The following RTN4R variants were observed in gnomAD, a reference collection of about 807,000 sequenced individuals.
RTN4R encodes the protein reticulon-4 receptor.
Under a neutral mutation model 27.7 loss-of-function variants are expected in RTN4R, and 4 were observed. That is an observed-to-expected ratio of 0.14 (90% CI 0.07 to 0.33). The LOEUF (loss-of-function observed/expected upper bound fraction) is 0.33. RTN4R is among the 10% of genes least tolerant of loss of function. The pLI is 1.00. For synonymous variants in RTN4R, 290 were observed against 305.6 expected, an observed-to-expected ratio of 0.95 and a Z score of 0.53; for missense variants, 554 against 671.5, an observed-to-expected ratio of 0.83 and a Z score of 1.93.
chr22:20,247,138 G>A lies in RTN4R; in HGVS notation c.23-4028C>T, dbSNP rs142081947. On this transcript the variant is annotated intron_variant, in intron 1 of 1. Coordinates refer to ENST00000043402, the MANE Select transcript of RTN4R (RefSeq NM_023004.6). Reference sequence around the variant, plus strand: ...GCGCCCTCCTGTGTCATGGGTGGCCGGGAGGGGAATCTCCAGGGAGGCTCT... The same window carrying A: ...GCGCCCTCCTGTGTCATGGGTGGCCAGGAGGGGAATCTCCAGGGAGGCTCT... Among the ~76,000 whole-genome samples, 96 of 152,216 alleles carry A rather than the reference G, an allele frequency of 6.3e-4. 2 individuals are homozygous for A. In the South Asian group the frequency reaches 0.018, roughly 29 times the overall value.
chr22:20,242,402 T>G lies in RTN4R; in HGVS notation c.731A>C (p.Glu244Ala). Residue 244 changes from glutamate to alanine, a missense_variant, in exon 2 of 2, where the codon GAG becomes GCG. This residue lies in a region of RTN4R where 413 missense variants were observed against 542.3 expected (regional missense o/e 0.76). Transcript: ENST00000043402. Reference sequence around the variant, plus strand: ...CAGGGCACGCAGGGGGGCCAGGGCCTCAGTGGGCAGCGCTGATAGATTGTT... The same window carrying G: ...CAGGGCACGCAGGGGGGCCAGGGCCGCAGTGGGCAGCGCTGATAGATTGTT... ...FANNLSALPT[E>A]ALAPLRALQY... 1 of 1,612,994 alleles carries G rather than the reference T, an allele frequency of 6.2e-7. No individual in the cohort carries two copies. Among genetic ancestry groups the G allele is most frequent in the Non-Finnish European group, 8.5e-7 (1 of 1,179,918 alleles).
chr22:20,258,425 TG>T (rs2051224959), intron 1 of RTN4R, among the ~76,000 whole-genome samples: 2 of 152,056 alleles, frequency 1.3e-5, no homozygotes, highest in African/African-American at 4.8e-5. Flanking sequence ...GGGGCCACCA[TG>T]GGAGCCCGGC....
chr22:20,257,807 G>T (rs1166950442), intron 1 of RTN4R, among the ~76,000 whole-genome samples: 2 of 152,146 alleles, frequency 1.3e-5, no homozygotes, highest in Admixed American at 6.5e-5. Flanking sequence ...GGGTGGGTGA[G>T]TCCGTCTTGC....
At chr22:20,261,156 C>G (rs1407864437) in intron 1 of RTN4R, among the ~76,000 whole-genome samples, 1 of 152,218 alleles carries the variant, frequency 6.6e-6, no homozygotes, top group African/African-American at 2.4e-5. Flanking sequence ...CCAGGCAGTA[C>G]AGTGGGGCCC....
chr22:20,245,272 C>G (rs1387107936), intron 1 of RTN4R, among the ~76,000 whole-genome samples: 2 of 152,174 alleles, frequency 1.3e-5, no homozygotes, highest in Non-Finnish European at 1.5e-5. Context: ...TTTTCGTAAA[C>G]CAACTTCTGA....
intron 1 of RTN4R, among the ~76,000 whole-genome samples, chr22:20,245,582 C>A (rs1010711680): frequency 3.3e-5 from 5 of 152,088 alleles, no homozygotes; most frequent in African/African-American, 1.2e-4. Flanking sequence ...TGCAGCCCCT[C>A]CCCACCCCAA....
intron 1 of RTN4R, among the ~76,000 whole-genome samples, chr22:20,265,435 T>C (rs112201641): frequency 1.3e-5 from 2 of 152,336 alleles, no homozygotes; most frequent in African/African-American, 4.8e-5. Flanking sequence ...GCCCTCTGGC[T>C]TTCAGAGACG....
intron 1 of RTN4R, chr22:20,243,625 C>A: frequency 2.3e-6 from 1 of 432,088 alleles, no homozygotes; most frequent in Non-Finnish European, 4.8e-6. Flanking sequence ...CAAGTGTGTC[C>A]AGGGCTTAGG....
chr22:20,241,823 C>T lies in RTN4R; in HGVS notation c.1310G>A (p.Gly437Glu). ...TTCTGAGTCACCAGTCCCGCCACCC[C>T]CGCTGCCTGCCTGGCCCAGACGGCA... ...SHCRLGQAGS[G>E]GGGTGDSEGS... The change falls in exon 2 of 2, where the codon GGG (glycine) becomes GAG (glutamate). Residue 437 changes from glycine (G) to glutamate (E), a missense_variant. By Grantham distance (98) the Gly-to-Glu change is moderately conservative. Around this residue, in one of 2 missense-constraint regions of RTN4R, gnomAD observed 141 missense variants for 129.2 expected, o/e 1.09. Transcript: ENST00000043402. The T allele has an allele frequency of 1.3e-6, 2 of 1,595,382 alleles. No individual in the cohort carries two copies. Among genetic ancestry groups the T allele is most frequent in the African/African-American group, 1.3e-5 (1 of 74,554 alleles).
intron 1 of RTN4R, among the ~76,000 whole-genome samples, chr22:20,251,988 CCAT>C (rs1268372345): frequency 7.1e-4 from 6 of 8,444 alleles, no homozygotes; most frequent in South Asian, 4.1e-3. Context: ...ATCACCATCA[CCAT>C]CATCACCATC....
At chr22:20,261,567 T>C (rs1292658172) in intron 1 of RTN4R, among the ~76,000 whole-genome samples, 1 of 152,158 alleles carries the variant, frequency 6.6e-6, no homozygotes, top group Non-Finnish European at 1.5e-5. Context: ...AGAGCAACCC[T>C]TGTGCAGCCG....
intron 1 of RTN4R, among the ~76,000 whole-genome samples, chr22:20,264,048 C>T (rs892724858): frequency 9.2e-5 from 14 of 152,316 alleles, no homozygotes; most frequent in Admixed American, 7.8e-4. Context: ...GGGGCAGGAT[C>T]TGGCCCTGCT....
chr22:20,245,176 G>A (rs867159649), intron 1 of RTN4R, among the ~76,000 whole-genome samples: 30 of 152,208 alleles, frequency 2.0e-4, no homozygotes, highest in Admixed American at 3.9e-4. Flanking sequence ...GGGAGGACAT[G>A]GGGGAGTGGC....
intron 1 of RTN4R, among the ~76,000 whole-genome samples, chr22:20,266,181 A>G (rs1164895125): frequency 6.6e-6 from 1 of 152,212 alleles, no homozygotes; most frequent in Non-Finnish European, 1.5e-5. Context: ...GAGACTGGCC[A>G]GCCCCACTGC....
chr22:20,267,869 GCCGCCT>G (rs2051288486), intron 1 of RTN4R, among the ~76,000 whole-genome samples, 196 bp downstream of exon 1: 1 of 151,958 alleles, frequency 6.6e-6, no homozygotes, highest in Admixed American at 6.6e-5. Flanking sequence ...AACTTTTCCT[GCCGCCT>G]CCGGCTCCGC....
At chr22:20,267,888 TC>T (rs1455948511) in intron 1 of RTN4R, among the ~76,000 whole-genome samples, 182 bp downstream of exon 1, 2 of 151,646 alleles carry the variant, frequency 1.3e-5, no homozygotes, top group East Asian at 3.9e-4. Context: ...GGCTCCGCCC[TC>T]CCGGGGCCGG....
Position 20,268,054 on chromosome 22 carries a change from G to T in RTN4R, c.22+17C>A. On this transcript the variant is annotated intron_variant, in intron 1 of 1. Transcript: ENST00000043402. ...GCCCCGCCGCCGGCCGGGCTCGGGT[G>T]CAGCGCGGACACTCACCTCCAGCGG... 8.5e-7 allele frequency: 1 copy of T among 1,179,318 alleles called. No homozygotes were observed. The highest frequency in any genetic ancestry group is 1.0e-6 in the Non-Finnish European group (1 of 953,660). The allele number at this position is 1,179,318 out of a possible 1,614,324, so 73.1% of individuals were successfully genotyped here. A position where few individuals can be genotyped will look rare whatever the true frequency, so the allele number is the denominator to read the frequency against.
At chr22:20,261,582 G>C (rs1229122838) in intron 1 of RTN4R, among the ~76,000 whole-genome samples, 1 of 152,160 alleles carries the variant, frequency 6.6e-6, no homozygotes, top group Non-Finnish European at 1.5e-5. Context: ...CAGCCGGCTG[G>C]GCCAACTGAT....
In RTN4R at chr22:20,268,254, G is replaced by T; in HGVS notation, c.-162C>A. On this transcript the variant is annotated 5_prime_UTR_variant, in exon 1 of 2. Transcript: ENST00000043402. ...GCTCCGCTCCGCCCGGCTCTGGCTGGGCTCGGGCCGCGGGTGCGCAGGGCG... is the reference window on the plus strand; with the variant it reads ...GCTCCGCTCCGCCCGGCTCTGGCTGTGCTCGGGCCGCGGGTGCGCAGGGCG... 1 of 171,020 alleles carries T rather than the reference G, an allele frequency of 5.8e-6. No individual in the cohort carries two copies. Among genetic ancestry groups the T allele is most frequent in the South Asian group, 1.7e-4 (1 of 5,882 alleles). 10.6% of individuals were successfully genotyped at this position (171,020 alleles called of 1,614,324 possible).
Sources: gnomAD v4.1 joint callset for allele counts (sites outside exome capture counted in the v4.1 genomes callset) on GRCh38, gnomAD v4.1.1 for gene constraint, gnomAD v4.1.1 regional missense constraint, MANE v1.5 for transcripts, NCBI Gene and HGNC (gene_info 2026-07-23, HGNC 2026-07-21) for gene names.